The following ARHGAP22 variants were observed in gnomAD, a reference collection of about 807,000 sequenced individuals.
ARHGAP22 encodes Rho GTPase activating protein 22, also known as rho GTPase-activating protein 22.
A neutral mutation model predicts 59.1 loss-of-function variants in ARHGAP22; 48 were observed. The ratio of observed to expected loss-of-function variants is 0.81; its 90% CI spans 0.64 to 1.03. The LOEUF (loss-of-function observed/expected upper bound fraction) is 1.03. ARHGAP22 is among the 50% of genes least tolerant of loss of function. The pLI, the probability that ARHGAP22 is intolerant of heterozygous loss-of-function variation, is 0.00. For synonymous variants in ARHGAP22, 445 were observed against 416.4 expected, an observed-to-expected ratio of 1.07 and a Z score of -0.84; for missense variants, 1,015 against 958.7, an observed-to-expected ratio of 1.06 and a Z score of -0.78.
chr10:48,489,541 A>G (rs2050162800), intron 3 of ARHGAP22, among the ~76,000 whole-genome samples: 1 of 152,240 alleles, frequency 6.6e-6, no homozygotes, highest in Admixed American at 6.5e-5. Context: ...TCTGTAACTT[A>G]GGAAACATTA....
intron 1 of ARHGAP22, among the ~76,000 whole-genome samples, chr10:48,591,362 C>G (rs1027188419): frequency 3.4e-4 from 51 of 152,166 alleles, no homozygotes; most frequent in African/African-American, 1.1e-3. Context: ...ACAGGGCCAG[C>G]AGAGGAGGAA....
chr10:48,565,082 C>A (rs2057963617), intron 2 of ARHGAP22, among the ~76,000 whole-genome samples: 1 of 152,178 alleles, frequency 6.6e-6, no homozygotes, highest in Non-Finnish European at 1.5e-5. Flanking sequence ...AGATAAGCAC[C>A]CATTACATAA....
chr10:48,604,945 C>G lies in ARHGAP22; in HGVS notation c.-149G>C, dbSNP rs2060601268. ...TCACCCGTCAGGCTCCCTCGGCTAC[C>G]TCTCCTGGCTCCGGACGGACGGCTC... On this transcript the variant is annotated 5_prime_UTR_variant, in exon 1 of 10. Coordinates refer to ENST00000249601, the MANE Select transcript of ARHGAP22 (RefSeq NM_021226.4). The G allele has an allele frequency of 1.3e-6, 2 of 1,531,626 alleles. No homozygotes were observed. Among genetic ancestry groups the G allele is most frequent in the African/African-American group, 2.8e-5 (2 of 72,448 alleles). 94.9% of individuals were successfully genotyped at this position (1,531,626 alleles called of 1,614,324 possible). A position where few individuals can be genotyped will look rare whatever the true frequency, so the allele number is the denominator to read the frequency against.
intron 3 of ARHGAP22, among the ~76,000 whole-genome samples, chr10:48,550,209 G>A (rs1042334663): frequency 2.4e-4 from 36 of 152,290 alleles, no homozygotes; most frequent in African/African-American, 8.2e-4. Context: ...CACTCCCTGC[G>A]TGCATTAGGG....
chr10:48,496,233 T>C (rs1812899001), intron 3 of ARHGAP22, among the ~76,000 whole-genome samples: 1 of 152,178 alleles, frequency 6.6e-6, no homozygotes, highest in South Asian at 2.1e-4. Flanking sequence ...ATCCCCCTTA[T>C]GGTCGGTTGT....
intron 1 of ARHGAP22, among the ~76,000 whole-genome samples, chr10:48,596,448 A>AG (rs1340535520): frequency 2.7e-5 from 4 of 147,300 alleles, no homozygotes; most frequent in Non-Finnish European, 6.0e-5. Context: ...GGCTGGCTGG[A>AG]GGGGGCAGGG....
intron 2 of ARHGAP22, among the ~76,000 whole-genome samples, chr10:48,578,633 T>C (rs150539819): frequency 4.6e-5 from 7 of 152,304 alleles, no homozygotes; most frequent in African/African-American, 1.7e-4. Flanking sequence ...CTTGTCTTTT[T>C]TGCTTTAGCA....
At chr10:48,634,464 T>C (rs758400202) in intron 1 of ARHGAP22, among the ~76,000 whole-genome samples, 20 of 152,200 alleles carry the variant, frequency 1.3e-4, no homozygotes, top group Non-Finnish European at 2.2e-4. Context: ...TTCTCCCAGA[T>C]GTGCAGAAAC....
the ARHGAP22 span, among the ~76,000 whole-genome samples, chr10:48,434,260 A>C: frequency 6.6e-6 from 1 of 152,248 alleles, no homozygotes; most frequent in Admixed American, 6.5e-5. Flanking sequence ...TAACTAGGCC[A>C]CTTGAGTGAC....
chr10:48,602,952 A>G (rs2060470557), intron 1 of ARHGAP22, among the ~76,000 whole-genome samples: 1 of 152,194 alleles, frequency 6.6e-6, no homozygotes, highest in African/African-American at 2.4e-5. Context: ...GTATGCATGA[A>G]CGCATGTGCA....
rs867200395 is a variant in ARHGAP22 at position 48,616,529 on chromosome 10, T to C, written c.53-33377A>G. Among the ~76,000 whole-genome samples the C allele has an allele frequency of 2.6e-5, 4 of 152,282 alleles. No homozygotes were observed. The South Asian group carries it at 8.3e-4, about 32-fold the overall frequency. Reference sequence around the variant, plus strand: ...ATAGAATAAATTCAGAGATCTGTACTAAGTCACATTATAATCAAATTGTCA... The same window carrying C: ...ATAGAATAAATTCAGAGATCTGTACCAAGTCACATTATAATCAAATTGTCA... On this transcript the variant is annotated intron_variant, in intron 1 of 9. Coordinates refer to the ARHGAP22 transcript ENST00000435790.
At chr10:48,628,875 G>A (rs1171905707) in intron 1 of ARHGAP22, among the ~76,000 whole-genome samples, 1 of 152,130 alleles carries the variant, frequency 6.6e-6, no homozygotes, top group Non-Finnish European at 1.5e-5. Flanking sequence ...AACCTGGGGA[G>A]TCTGAGCTGA....
At chr10:48,531,432 A>T (rs952549461) in intron 3 of ARHGAP22, among the ~76,000 whole-genome samples, 3 of 152,166 alleles carry the variant, frequency 2.0e-5, no homozygotes, top group Admixed American at 6.5e-5. Context: ...ACATTTTTTT[A>T]AAAAAGGAAA....
downstream of ARHGAP22, chr10:48,443,797 T>C (rs534657799): frequency 2.6e-5 from 4 of 152,314 alleles, no homozygotes; most frequent in Non-Finnish European, 4.4e-5. Context: ...TAAGATTCAT[T>C]CCTGGTCCAT....
chr10:48,488,748 A>T (rs902628375), intron 3 of ARHGAP22, among the ~76,000 whole-genome samples: 1 of 152,132 alleles, frequency 6.6e-6, no homozygotes, highest in Non-Finnish European at 1.5e-5. Flanking sequence ...CCTTTCTGGT[A>T]GTTCTTTGCC....
At chr10:48,617,590 G>A (rs1429197613) in intron 1 of ARHGAP22, among the ~76,000 whole-genome samples, 3 of 151,886 alleles carry the variant, frequency 2.0e-5, no homozygotes, top group Non-Finnish European at 4.4e-5. Flanking sequence ...TAAACACCAT[G>A]CTCTTGACCA....
intron 3 of ARHGAP22, among the ~76,000 whole-genome samples, chr10:48,505,944 C>T (rs906402616): frequency 2.0e-5 from 3 of 152,230 alleles, no homozygotes; most frequent in South Asian, 2.1e-4. Context: ...TGCCCCCTCT[C>T]TGGCTAGTCA....
chr10:48,495,609 G>A (rs1399406218), intron 3 of ARHGAP22, among the ~76,000 whole-genome samples: 1 of 148,626 alleles, frequency 6.7e-6, no homozygotes, highest in Non-Finnish European at 1.5e-5. Context: ...TCCCTTGGTG[G>A]GCAGCCTCTG....
chr10:48,435,662 C>T, the ARHGAP22 span: 2 of 152,260 alleles, frequency 1.3e-5, no homozygotes, highest in South Asian at 2.1e-4. Flanking sequence ...GCAAAAGCCC[C>T]GTCATCTAAA....
Sources: allele counts gnomAD v4.1 joint callset (sites outside exome capture counted in the v4.1 genomes callset), GRCh38; gene constraint gnomAD v4.1.1; transcripts MANE v1.5; gene names NCBI Gene and HGNC (gene_info 2026-07-23, HGNC 2026-07-21).